Variants in DGKE observed in about 807,000 individuals in gnomAD.
DGKE encodes the protein diacylglycerol kinase epsilon, also known as DAG kinase epsilon.
In DGKE, 53 loss-of-function variants were observed where a neutral mutation model predicts 70.0. That is an observed-to-expected ratio of 0.76 (90% confidence interval 0.61 to 0.95). The LOEUF (loss-of-function observed/expected upper bound fraction) is 0.95. DGKE is among the 40% of genes least tolerant of loss of function. DGKE has a pLI of 0.00. For missense variants in DGKE, 655 were observed against 706.9 expected, an observed-to-expected ratio of 0.93 and a Z score of 0.83; for synonymous variants, 291 against 257.0, an observed-to-expected ratio of 1.13 and a Z score of -1.27.
chr17:56,836,047 T>A (rs1418235143), intron 2 of DGKE: 1 of 152,248 alleles, frequency 6.6e-6, no homozygotes, highest in Non-Finnish European at 1.5e-5. Context: ...AAAATAGGAC[T>A]GGCCTCCAGG....
At position 56,834,864 on chromosome 17, in the gene DGKE, CT is replaced by C. The variant is rs1906477323; in HGVS notation, c.71del (p.Leu24CysfsTer145). ...GCCTGTTTGCGGACGGGCACCTGAT[CT>C]TGTGGACGCTGTGCTCGGTCCTGCT... ...EGLFADGHLI[L>X]WTLCSVLLPV... On this transcript the variant is annotated frameshift_variant, in exon 2 of 12. Transcript: ENST00000284061. LOFTEE classifies it high-confidence loss of function. The C allele has an allele frequency of 6.2e-7, 1 of 1,612,936 alleles. No individual in the cohort carries two copies. Among genetic ancestry groups the C allele is most frequent in the Non-Finnish European group, 8.5e-7 (1 of 1,179,634 alleles).
rs77228713 is a variant in DGKE, at chr17:56,854,127, C to T, written c.1099-2385C>T. Among the ~76,000 whole-genome samples the T allele has an allele frequency of 4.6e-3, 695 of 151,474 alleles. 21 individuals carry two copies. In the East Asian group the frequency reaches 0.088, roughly 19 times the overall value. On this transcript the variant is annotated intron_variant, in intron 7 of 11. Coordinates refer to ENST00000284061, the MANE Select transcript of DGKE (RefSeq NM_003647.3). The stretch of plus-strand genomic sequence containing the variant: ...GAATCTAAAAAATCAAACTCAAAGT[C>T]GAGAGTAGAATAATGGTTACCAGAG...
Position 56,859,045 on chromosome 17 carries a change from A to T in DGKE, c.1284+380A>T, listed in dbSNP as rs1163778364. Reference sequence around the variant, plus strand: ...CATACATGATAAATAATTTACAGTTATCTAATACAGTGCCTGACTCAACAT... The same window carrying T: ...CATACATGATAAATAATTTACAGTTTTCTAATACAGTGCCTGACTCAACAT... On this transcript the variant is annotated intron_variant, in intron 9 of 11. Transcript: ENST00000284061. 2.0e-5 allele frequency among the ~76,000 whole-genome samples: 3 copies of T among 152,288 alleles called. No homozygotes were observed. In the South Asian group the frequency reaches 6.2e-4, roughly 32 times the overall value.
chr17:56,858,203 A>G (rs1462197379), intron 8 of DGKE, among the ~76,000 whole-genome samples: 1 of 152,214 alleles, frequency 6.6e-6, no homozygotes, highest in African/African-American at 2.4e-5. Context: ...GTAATATTTC[A>G]TCTACTGTAC....
rs1157969602 is a variant in DGKE at position 56,868,288 on chromosome 17, T to A, written c.*5497T>A. ...GTTTGTTCTCAGTCCAGTTCAGGGC[T>A]CTGCCAGCAGTCTTTCAGATCTGAA... On this transcript the variant is annotated 3_prime_UTR_variant, in exon 12 of 12. Transcript: ENST00000284061. The A allele has an allele frequency of 6.6e-6, 1 of 152,260 alleles. No individual in the cohort carries two copies. The highest frequency in any genetic ancestry group is 2.4e-5 in the African/African-American group (1 of 41,464). 9.4% of individuals were successfully genotyped at this position (152,260 alleles called of 1,614,324 possible). A position where few individuals can be genotyped will look rare whatever the true frequency, so the allele number is the denominator to read the frequency against.
At position 56,841,809 on chromosome 17, in the gene DGKE, T is replaced by TTTTTG. The variant is rs746066419; in HGVS notation, c.465-2190_465-2186dup. Among the ~76,000 whole-genome samples, 19 of 152,290 alleles carry TTTTTG rather than the reference T, an allele frequency of 1.2e-4. No individual in the cohort carries two copies. The East Asian group carries it at 3.1e-3, about 25-fold the overall frequency. ...AAAAAACAGAAAAGGGGTCAGGTTT[T>TTTTTG]TTTTGTTTTGTTTTGTTTTGTTTTT... On this transcript the variant is annotated intron_variant, in intron 2 of 11. Coordinates refer to ENST00000284061, the MANE Select transcript of DGKE (RefSeq NM_003647.3).
Position 56,845,755 on chromosome 17 carries a change from T to A in DGKE, c.690T>A (p.Thr230=). 3.1e-6 allele frequency: 5 copies of A among 1,612,844 alleles called. No homozygotes were observed. The highest frequency in any genetic ancestry group is 4.2e-6 in the Non-Finnish European group (5 of 1,179,290). ...LIILANSRSG[T]NMGEGLLGEF... is the part of the protein sequence containing the mutation. ...TCCTGGCCAACTCTCGTAGTGGAAC[T>A]AATATGGGAGAAGGACTGTTGGGAG... The change falls in exon 4 of 12, where the codon ACT becomes ACA. Residue 230 remains threonine (T), a synonymous_variant. Coordinates refer to ENST00000284061, the MANE Select transcript of DGKE (RefSeq NM_003647.3).
chr17:56,839,153 C>T (rs981548331), intron 2 of DGKE, among the ~76,000 whole-genome samples: 12 of 151,994 alleles, frequency 7.9e-5, no homozygotes, highest in Admixed American at 6.6e-4. Flanking sequence ...CTCATACTGT[C>T]TGCAGTTTAC....
Position 56,862,787 on chromosome 17 carries a change from AATAG to A in DGKE, c.1703_*2del. The stretch of plus-strand genomic sequence containing the variant: ...GATCAAGAAGATATAAAGGCGACTG[AATAG>A]ATGGATGAGGGAGTGAAAACTTTGC... On this transcript the variant is annotated frameshift_variant and stop_lost, in exon 12 of 12. Coordinates refer to ENST00000284061, the MANE Select transcript of DGKE (RefSeq NM_003647.3). LOFTEE classifies it high-confidence loss of function. 1 of 1,557,128 alleles carries A rather than the reference AATAG, an allele frequency of 6.4e-7. No individual in the cohort carries two copies. The highest frequency in any genetic ancestry group is 8.6e-7 in the Non-Finnish European group (1 of 1,160,140).
rs529002526 is a variant in DGKE at position 56,855,732 on chromosome 17, G to A, written c.1099-780G>A. ...GATTAGCAAGTAAGGCTGGCCGGGC[G>A]CGGTGGCTCACGCCTGTAATCGCAG... On this transcript the variant is annotated intron_variant, in intron 7 of 11. Transcript: ENST00000284061. Among the ~76,000 whole-genome samples the A allele has an allele frequency of 1.3e-4, 20 of 152,246 alleles. No homozygotes were observed. In the East Asian group the frequency reaches 2.1e-3, roughly 16 times the overall value.
chr17:56,854,676 T>C (rs1598040621), intron 7 of DGKE, among the ~76,000 whole-genome samples: 1 of 151,648 alleles, frequency 6.6e-6, no homozygotes, highest in Non-Finnish European at 1.5e-5. Flanking sequence ...AGGTGATGGA[T>C]ATGCAAAAAA....
At chr17:56,853,958 C>A (rs1265559543) in intron 7 of DGKE, among the ~76,000 whole-genome samples, 1 of 147,046 alleles carries the variant, frequency 6.8e-6, no homozygotes, top group Non-Finnish European at 1.5e-5. Flanking sequence ...GCCATATATA[C>A]ACAATGGAAA....
Position 56,837,292 on chromosome 17 carries a change from T to C in DGKE, c.464+2033T>C, listed in dbSNP as rs572810485. 1.3e-3 allele frequency among the ~76,000 whole-genome samples: 193 copies of C among 152,270 alleles called. 2 individuals are homozygous for C. Among genetic ancestry groups the C allele is most frequent in the African/African-American group, 4.4e-3 (184 of 41,550 alleles). On this transcript the variant is annotated intron_variant, in intron 2 of 11. Coordinates refer to ENST00000284061, the MANE Select transcript of DGKE (RefSeq NM_003647.3). ...TTGGGCTGGACATCAGCAGTCTTGG[T>C]TTTAACAGGCCCTACAGGTCCTTCT... is the stretch of plus-strand genomic sequence containing the variant.
chr17:56,838,165 C>T (rs768735558), intron 2 of DGKE, among the ~76,000 whole-genome samples: 10 of 152,180 alleles, frequency 6.6e-5, no homozygotes, highest in Non-Finnish European at 1.3e-4. Flanking sequence ...ATCTACCCCA[C>T]GCCTCACACA....
intron 7 of DGKE, among the ~76,000 whole-genome samples, chr17:56,853,739 G>A (rs1415611555): frequency 6.6e-6 from 1 of 151,994 alleles, no homozygotes; most frequent in African/African-American, 2.4e-5. Context: ...AACCATTTTG[G>A]GAAACAATAT....
intron 8 of DGKE, among the ~76,000 whole-genome samples, chr17:56,858,275 A>G (rs576712426): frequency 1.2e-4 from 18 of 152,290 alleles, no homozygotes; most frequent in African/African-American, 3.6e-4. Context: ...TAAAATACAA[A>G]TGATGCCAAA....
chr17:56,865,529 T>C lies in DGKE; in HGVS notation c.*2738T>C, dbSNP rs1388483287. 2 of 152,222 alleles carry C rather than the reference T, an allele frequency of 1.3e-5. No homozygotes were observed. The highest frequency in any genetic ancestry group is 2.4e-5 in the African/African-American group (1 of 41,464). 9.4% of individuals were successfully genotyped at this position (152,222 alleles called of 1,614,324 possible). A position where few individuals can be genotyped will look rare whatever the true frequency, so the allele number is the denominator to read the frequency against. On this transcript the variant is annotated 3_prime_UTR_variant, in exon 12 of 12. Transcript: ENST00000284061. ...CTTGTGTTTTAAAATACAAGTTGTCTGCTAGTAAAGTTACATGATTTAGGT... is the reference window on the plus strand; with the variant it reads ...CTTGTGTTTTAAAATACAAGTTGTCCGCTAGTAAAGTTACATGATTTAGGT...
chr17:56,844,968 C>A (rs1197528269), intron 3 of DGKE, among the ~76,000 whole-genome samples: 1 of 152,034 alleles, frequency 6.6e-6, no homozygotes, highest in African/African-American at 2.4e-5. Context: ...TGTCAATATT[C>A]CTGCAAGGGA....
Position 56,845,830 on chromosome 17 carries a change from TTTATA to T in DGKE, c.744+25_744+29del, listed in dbSNP as rs749381868. On this transcript the variant is annotated intron_variant, in intron 4 of 11. Transcript: ENST00000284061. ...TCCAGGTAACTAAAGAAAAAAACTT[TTTATA>T]TTAATGTTTTCATTTTCCCCAAAAT... 3 of 1,568,776 alleles carry T rather than the reference TTTATA, an allele frequency of 1.9e-6. No individual in the cohort carries two copies. In the East Asian group the frequency reaches 6.9e-5, roughly 36 times the overall value.
Sources: allele counts gnomAD v4.1 joint callset (sites outside exome capture counted in the v4.1 genomes callset), GRCh38; gene constraint gnomAD v4.1.1; transcripts MANE v1.5; gene names NCBI Gene and HGNC (gene_info 2026-07-23, HGNC 2026-07-21).